TOX: variants seen among roughly 807,000 people sequenced by gnomAD.
The protein encoded by TOX is thymocyte selection associated high mobility group box.
TOX carries 11 observed loss-of-function variants against 53.7 expected under a neutral mutation model. That is an observed-to-expected ratio of 0.20 (90% CI 0.13 to 0.34). The LOEUF (loss-of-function observed/expected upper bound fraction) is 0.34. Ranked by LOEUF, TOX falls within the 10% of genes least tolerant of loss-of-function variation. TOX has a pLI of 1.00. For missense variants in TOX, 570 were observed against 664.6 expected, an observed-to-expected ratio of 0.86 and a Z score of 1.56; for synonymous variants, 225 against 245.3, an observed-to-expected ratio of 0.92 and a Z score of 0.77.
At chr8:58,915,191 G>A (rs1192184857) in intron 3 of TOX, among the ~76,000 whole-genome samples, 1 of 151,480 alleles carries the variant, frequency 6.6e-6, no homozygotes, top group Non-Finnish European at 1.5e-5. Flanking sequence ...CAACTGGGTG[G>A]AGCCCACCAC....
chr8:59,058,033 A>C lies in TOX; in HGVS notation c.102+60853T>G, dbSNP rs193140164. Reference sequence around the variant, plus strand: ...GAAAAAATAATATTTTTAAAATATAAAACCAATATCCCTATCCTATTTCAA... The same window carrying C: ...GAAAAAATAATATTTTTAAAATATACAACCAATATCCCTATCCTATTTCAA... On this transcript the variant is annotated intron_variant, in intron 1 of 8. Transcript: ENST00000361421. 1.9e-3 allele frequency among the ~76,000 whole-genome samples: 283 copies of C among 152,348 alleles called. 2 individuals are homozygous for C. Among genetic ancestry groups the C allele is most frequent in the African/African-American group, 6.6e-3 (273 of 41,584 alleles).
In TOX at chr8:59,081,729, T is replaced by C. The variant is rs555034737; in HGVS notation, c.102+37157A>G. Among the ~76,000 whole-genome samples, 3 of 152,300 alleles carry C rather than the reference T, an allele frequency of 2.0e-5. No homozygotes were observed. The South Asian group carries it at 6.2e-4, about 32-fold the overall frequency. ...AGGCAGGATGAAGCACTAGCCTCCT[T>C]TGGCATCAAGTTCAAAGAGATGGTG... On this transcript the variant is annotated intron_variant, in intron 1 of 8. Coordinates refer to ENST00000361421, the MANE Select transcript of TOX (RefSeq NM_014729.3).
chr8:58,867,936 C>T (rs1394888954), intron 3 of TOX, among the ~76,000 whole-genome samples: 3 of 152,122 alleles, frequency 2.0e-5, no homozygotes, highest in Non-Finnish European at 2.9e-5. Flanking sequence ...CTTAATCTCC[C>T]AAGAGAGTTT....
chr8:59,001,438 G>A (rs1185142632), intron 1 of TOX, among the ~76,000 whole-genome samples: 1 of 152,146 alleles, frequency 6.6e-6, no homozygotes, highest in African/African-American at 2.4e-5. Context: ...AATATCTCAT[G>A]ATGGGAAAAG....
intron 3 of TOX, among the ~76,000 whole-genome samples, chr8:58,876,717 GACA>G (rs766410026): frequency 1.8e-4 from 27 of 152,152 alleles, no homozygotes; most frequent in African/African-American, 2.9e-4. Flanking sequence ...AGCAAAAAAG[GACA>G]ACATTTCAAA....
chr8:59,092,852 A>G (rs1055309066), intron 1 of TOX, among the ~76,000 whole-genome samples: 29 of 152,156 alleles, frequency 1.9e-4, no homozygotes, highest in African/African-American at 6.8e-4. Context: ...GACAGTGTCT[A>G]TATCCTAACC....
At chr8:58,876,634 C>T (rs934869551) in intron 3 of TOX, among the ~76,000 whole-genome samples, 5 of 152,104 alleles carry the variant, frequency 3.3e-5, no homozygotes, top group East Asian at 1.9e-4. Context: ...AATTGTCCTG[C>T]GGAGGCTGAA....
chr8:58,947,701 A>C (rs1272846103), intron 2 of TOX, among the ~76,000 whole-genome samples: 1 of 152,210 alleles, frequency 6.6e-6, no homozygotes, highest in Non-Finnish European at 1.5e-5. Flanking sequence ...TGAAGTGTCA[A>C]ACTAAGTGAT....
rs376394528 is a variant in TOX at position 58,925,805 on chromosome 8, T to G, written c.411+13497A>C. ...TTTTATTCCATCTTTTAAAGTATAC[T>G]GCGCTCTGAGAAACAGCCCTTTGTC... On this transcript the variant is annotated intron_variant, in intron 3 of 8. Transcript: ENST00000361421. 4.6e-5 allele frequency among the ~76,000 whole-genome samples: 7 copies of G among 152,340 alleles called. No homozygotes were observed. In the East Asian group the frequency reaches 1.3e-3, roughly 29 times the overall value.
chr8:59,046,126 T>C (rs927712016), intron 1 of TOX, among the ~76,000 whole-genome samples: 2 of 152,178 alleles, frequency 1.3e-5, no homozygotes, highest in Non-Finnish European at 2.9e-5. Flanking sequence ...CTGATGATTT[T>C]TACCCTCCAT....
chr8:58,890,121 G>T (rs1367102331), intron 3 of TOX, among the ~76,000 whole-genome samples: 13 of 151,996 alleles, frequency 8.6e-5, no homozygotes, highest in African/African-American at 3.1e-4. Flanking sequence ...CATATTTTTT[G>T]CTCTTATTAA....
rs184523249 is a variant in TOX, at chr8:59,035,095, A to G, written c.103-75087T>C. 1.1e-4 allele frequency among the ~76,000 whole-genome samples: 16 copies of G among 152,242 alleles called. No homozygotes were observed. In the East Asian group the frequency reaches 2.5e-3, roughly 24 times the overall value. Reference sequence around the variant, plus strand: ...CACCTGTCTTTCTAACTGCACCGCAACCACCCCAGTTTATCTTGAGTGCCA... The same window carrying G: ...CACCTGTCTTTCTAACTGCACCGCAGCCACCCCAGTTTATCTTGAGTGCCA... On this transcript the variant is annotated intron_variant, in intron 1 of 8. Coordinates refer to ENST00000361421, the MANE Select transcript of TOX (RefSeq NM_014729.3).
chr8:58,948,144 C>T (rs1812555394), intron 2 of TOX, among the ~76,000 whole-genome samples: 2 of 152,186 alleles, frequency 1.3e-5, no homozygotes, highest in Admixed American at 1.3e-4. Flanking sequence ...TTCCTGGGAC[C>T]TGGGCTGGGG....
intron 3 of TOX, among the ~76,000 whole-genome samples, chr8:58,878,560 C>G (rs1309718300): frequency 6.6e-6 from 1 of 152,156 alleles, no homozygotes; most frequent in Non-Finnish European, 1.5e-5. Context: ...TTTACAGTAT[C>G]AACACTTGAG....
chr8:59,101,985 G>A (rs1439713253), intron 1 of TOX, among the ~76,000 whole-genome samples: 1 of 152,190 alleles, frequency 6.6e-6, no homozygotes, highest in Non-Finnish European at 1.5e-5. Flanking sequence ...CTGTGGGCAG[G>A]TGAGGATGCA....
chr8:59,103,059 A>C (rs1396645782), intron 1 of TOX, among the ~76,000 whole-genome samples: 4 of 151,998 alleles, frequency 2.6e-5, no homozygotes, highest in Non-Finnish European at 5.9e-5. Flanking sequence ...TAACAGAGGG[A>C]TTTTTCTCTT....
At chr8:58,849,467 C>G (rs550665523) in intron 4 of TOX, among the ~76,000 whole-genome samples, 2 of 152,288 alleles carry the variant, frequency 1.3e-5, no homozygotes, top group African/African-American at 4.8e-5. Flanking sequence ...AGGATACCCA[C>G]TGGCAAAGTT....
chr8:58,923,061 C>T (rs1025864293), intron 3 of TOX, among the ~76,000 whole-genome samples: 2 of 152,096 alleles, frequency 1.3e-5, no homozygotes, highest in South Asian at 2.1e-4. Context: ...GGGATCTTGG[C>T]AGAGCCTGAA....
chr8:59,079,948 C>T (rs898816034), intron 1 of TOX, among the ~76,000 whole-genome samples: 9 of 151,902 alleles, frequency 5.9e-5, no homozygotes, highest in Non-Finnish European at 8.8e-5. Flanking sequence ...ATTAACATCA[C>T]GTGCATGGGG....
Sources: gnomAD v4.1 joint callset for allele counts (sites outside exome capture counted in the v4.1 genomes callset) on GRCh38, gnomAD v4.1.1 for gene constraint, MANE v1.5 for transcripts, NCBI Gene and HGNC (gene_info 2026-07-23, HGNC 2026-07-21) for gene names.